Variants in EYS observed in about 807,000 individuals in gnomAD.
EYS encodes protein eyes shut homolog.
In EYS, 250 loss-of-function variants were observed where a neutral mutation model predicts 282.1. The ratio of observed to expected loss-of-function variants is 0.89; its 90% CI spans 0.80 to 0.98. The LOEUF (loss-of-function observed/expected upper bound fraction) is 0.98. Ranked by LOEUF, EYS falls within the 50% of genes least tolerant of loss-of-function variation. The probability of loss-of-function intolerance (pLI) is 0.00; values close to 1 mark genes in which losing one functional copy is unlikely to be tolerated. For synonymous variants in EYS, 1,355 were observed against 1,282.9 expected (o/e 1.06, Z -1.20); for missense variants, 4,016 against 3,709.0 (o/e 1.08, Z -2.15).
intron 11 of EYS, among the ~76,000 whole-genome samples, chr6:65,315,467 A>G (rs1172919814): frequency 4.6e-5 from 7 of 152,054 alleles, no homozygotes; most frequent in Non-Finnish European, 8.8e-5. Context: ...TTCCTCCCCA[A>G]TGTAACTGTT....
At chr6:65,064,588 A>G (rs965220000) in intron 12 of EYS, among the ~76,000 whole-genome samples, 9 of 149,066 alleles carry the variant, frequency 6.0e-5, no homozygotes, top group African/African-American at 2.2e-4. Context: ...TATAAAAGTT[A>G]TATACTATAT....
chr6:64,522,619 G>A (rs906892305), intron 26 of EYS, among the ~76,000 whole-genome samples: 15 of 151,704 alleles, frequency 9.9e-5, no homozygotes, highest in African/African-American at 7.3e-5. Flanking sequence ...TGGGGAATCC[G>A]GGGGCAAGAC....
intron 30 of EYS, among the ~76,000 whole-genome samples, chr6:64,296,241 C>A (rs1216566848): frequency 6.6e-6 from 1 of 152,092 alleles, no homozygotes; most frequent in Non-Finnish European, 1.5e-5. Context: ...CAGAATTTCT[C>A]CAACTACTTC....
At chr6:64,785,435 T>C (rs958688445) in intron 22 of EYS, among the ~76,000 whole-genome samples, 1 of 152,202 alleles carries the variant, frequency 6.6e-6, no homozygotes, top group Non-Finnish European at 1.5e-5. Context: ...TTACCTAAGG[T>C]CATTTTCTGA....
intron 26 of EYS, among the ~76,000 whole-genome samples, chr6:64,530,291 A>G (rs1202659309): frequency 6.6e-6 from 1 of 152,036 alleles, no homozygotes; most frequent in Non-Finnish European, 1.5e-5. Context: ...TTAAATATTT[A>G]ATGAACAAGA....
intron 12 of EYS, among the ~76,000 whole-genome samples, chr6:65,288,747 C>G (rs1768439759): frequency 6.6e-6 from 1 of 150,916 alleles, no homozygotes; most frequent in African/African-American, 2.4e-5. Context: ...AACAATGTCT[C>G]CTGCTATTTT....
intron 40 of EYS, among the ~76,000 whole-genome samples, chr6:63,773,717 A>T (rs1207085414): frequency 6.6e-6 from 1 of 152,206 alleles, no homozygotes; most frequent in African/African-American, 2.4e-5. Context: ...GAAAACAATT[A>T]CATGTCCAGA....
At chr6:64,801,447 G>A (rs1304468897) in intron 22 of EYS, among the ~76,000 whole-genome samples, 1 of 151,994 alleles carries the variant, frequency 6.6e-6, no homozygotes, top group African/African-American at 2.4e-5. Flanking sequence ...GGTGTGGAAT[G>A]TTTCACATCC....
At chr6:65,124,801 A>G (rs1775670783) in intron 12 of EYS, among the ~76,000 whole-genome samples, 1 of 152,200 alleles carries the variant, frequency 6.6e-6, no homozygotes, top group South Asian at 2.1e-4. Context: ...TTACTTAGAA[A>G]TTACCAACAC....
intron 2 of EYS, among the ~76,000 whole-genome samples, chr6:65,601,999 C>T (rs1484111108): frequency 6.6e-6 from 1 of 151,764 alleles, no homozygotes; most frequent in Non-Finnish European, 1.5e-5. Context: ...GCCTATGTAA[C>T]AAAGCATGAC....
intron 33 of EYS, among the ~76,000 whole-genome samples, chr6:64,032,115 C>T (rs140370836): frequency 0.01 from 1,558 of 152,204 alleles, 10 homozygotes; most frequent in Non-Finnish European, 0.017. Context: ...AGACGTGCCA[C>T]CTTAAGAGCT....
chr6:65,644,014 TTTTTA>T (rs767418488), intron 1 of EYS, among the ~76,000 whole-genome samples: 10 of 152,144 alleles, frequency 6.6e-5, no homozygotes, highest in Admixed American at 2.0e-4. Flanking sequence ...AAAACAAGGT[TTTTTA>T]ACACCCTTAA....
intron 26 of EYS, among the ~76,000 whole-genome samples, chr6:64,543,834 T>C (rs79733490): frequency 1.2e-4 from 18 of 152,248 alleles, no homozygotes; most frequent in African/African-American, 3.8e-4. Flanking sequence ...CCCTCTTACA[T>C]TCATACGAAA....
intron 26 of EYS, among the ~76,000 whole-genome samples, chr6:64,580,203 G>A (rs1766014778): frequency 6.6e-6 from 1 of 151,988 alleles, no homozygotes; most frequent in African/African-American, 2.4e-5. Context: ...CATTCTTACA[G>A]CAAAGCTTTG....
chr6:64,207,911 G>C (rs1765656979), intron 31 of EYS, among the ~76,000 whole-genome samples: 1 of 152,008 alleles, frequency 6.6e-6, no homozygotes, highest in African/African-American at 2.4e-5. Flanking sequence ...TGCTTGCCTT[G>C]ACCTCCCAAA....
intron 35 of EYS, among the ~76,000 whole-genome samples, chr6:63,957,645 T>G (rs939813219): frequency 1.4e-5 from 2 of 140,792 alleles, no homozygotes; most frequent in Non-Finnish European, 3.2e-5. Context: ...GAAAAATCAT[T>G]TATGCTACAG....
At chr6:64,408,671 G>A (rs758703783) in intron 28 of EYS, among the ~76,000 whole-genome samples, 36 of 152,178 alleles carry the variant, frequency 2.4e-4, no homozygotes, top group Admixed American at 6.5e-4. Context: ...TGTGAGAAGA[G>A]ATACAAAAAC....
chr6:65,317,751 A>G (rs143865431), intron 11 of EYS, among the ~76,000 whole-genome samples: 33 of 151,700 alleles, frequency 2.2e-4, no homozygotes, highest in East Asian at 9.7e-4. Flanking sequence ...ATTCCTTGCT[A>G]GCTCTTGGCT....
At chr6:63,966,747 T>C (rs1766329632) in intron 35 of EYS, among the ~76,000 whole-genome samples, 1 of 152,190 alleles carries the variant, frequency 6.6e-6, no homozygotes, top group Admixed American at 6.6e-5. Flanking sequence ...CACATAGCAT[T>C]GTTACAAGGA....
Sources: gnomAD v4.1 joint callset for allele counts (sites outside exome capture counted in the v4.1 genomes callset) on GRCh38, gnomAD v4.1.1 for gene constraint, MANE v1.5 for transcripts, NCBI Gene and HGNC (gene_info 2026-07-23, HGNC 2026-07-21) for gene names.